The following SV2B variants were observed in gnomAD, a reference collection of about 807,000 sequenced individuals.
SV2B encodes the protein solute carrier family 22 member B2.
In SV2B, 41 loss-of-function variants were observed where a neutral mutation model predicts 73.9. That is an observed-to-expected ratio of 0.56 (90% CI 0.43 to 0.72). The LOEUF is 0.72. Ranked by LOEUF, SV2B falls within the 30% of genes least tolerant of loss-of-function variation. The pLI, the probability that SV2B is intolerant of heterozygous loss-of-function variation, is 0.00. For missense variants in SV2B, 764 were observed against 857.8 expected (o/e 0.89, Z 1.37); for synonymous variants, 314 against 314.2 (o/e 1.00, Z 0.01).
intron 1 of SV2B, among the ~76,000 whole-genome samples, chr15:91,193,592 G>T (rs1001684887): frequency 3.9e-5 from 6 of 152,144 alleles, no homozygotes; most frequent in African/African-American, 1.4e-4. Context: ...GAAGGCCTTT[G>T]AAGACATCCA....
intron 1 of SV2B, among the ~76,000 whole-genome samples, chr15:91,206,003 A>C (rs1348917265): frequency 1.3e-5 from 2 of 151,962 alleles, no homozygotes; most frequent in Non-Finnish European, 2.9e-5. Context: ...ACCAGAAACA[A>C]CTACTGTTTT....
chr15:91,125,725 T>C (rs1444680376), intron 1 of SV2B, among the ~76,000 whole-genome samples: 1 of 143,892 alleles, frequency 6.9e-6, no homozygotes, highest in African/African-American at 2.6e-5. Context: ...CAGTGAGCTG[T>C]GTTCTTGCCA....
intron 1 of SV2B, among the ~76,000 whole-genome samples, chr15:91,107,685 C>T (rs759110964): frequency 1.2e-4 from 18 of 152,160 alleles, no homozygotes; most frequent in Non-Finnish European, 2.2e-4. Flanking sequence ...ACTCAGCTCA[C>T]TGCAGCCTTG....
At chr15:91,282,511 A>G (rs1428442832) in intron 10 of SV2B, among the ~76,000 whole-genome samples, 5 of 152,188 alleles carry the variant, frequency 3.3e-5, no homozygotes, top group Non-Finnish European at 2.9e-5. Flanking sequence ...AGGGGGCTTT[A>G]CCTACATTGT....
chr15:91,164,324 G>C (rs1320403107), intron 1 of SV2B, among the ~76,000 whole-genome samples: 1 of 152,190 alleles, frequency 6.6e-6, no homozygotes, highest in Non-Finnish European at 1.5e-5. Flanking sequence ...AAAGCAGGAG[G>C]CATCATGCTA....
chr15:91,191,985 G>A (rs12903449), intron 1 of SV2B, among the ~76,000 whole-genome samples: 73,067 of 151,716 alleles, frequency 0.48, 19,306 homozygotes, highest in East Asian at 0.77. Context: ...TTTTTCTGGC[G>A]GTTACCCTTA....
At chr15:91,256,011 G>A (rs1414820294) in intron 4 of SV2B, among the ~76,000 whole-genome samples, 2 of 152,160 alleles carry the variant, frequency 1.3e-5, no homozygotes, top group African/African-American at 4.8e-5. Context: ...GGAAGTCTTG[G>A]CACCAGGAAT....
At chr15:91,269,343 T>C (rs1246514645) in intron 9 of SV2B, among the ~76,000 whole-genome samples, 2 of 152,162 alleles carry the variant, frequency 1.3e-5, no homozygotes, top group African/African-American at 4.8e-5. Flanking sequence ...AAACTGAGCA[T>C]TTACCCCTCT....
At position 91,122,919 on chromosome 15, in the gene SV2B, A is replaced by G. The variant is rs2042378315; in HGVS notation, c.-392+22556A>G. Among the ~76,000 whole-genome samples the G allele has an allele frequency of 6.6e-6, 1 of 152,190 alleles. No individual in the cohort carries two copies. Among genetic ancestry groups the G allele is most frequent in the African/African-American group, 2.4e-5 (1 of 41,446 alleles). On this transcript the variant is annotated intron_variant, in intron 1 of 12. Transcript: ENST00000394232. This position sits in a 1 kb window ranked among gnomAD's most constrained non-coding sequence, Gnocchi z 4.3. ...AATTTCAGTTTGACAGGATTAATAA[A>G]TTCAAGAGGTCTATTCTACAACCTG...
chr15:91,176,943 A>G (rs1354221910), intron 1 of SV2B, among the ~76,000 whole-genome samples: 198 of 151,898 alleles, frequency 1.3e-3, no homozygotes, highest in African/African-American at 4.6e-3. Context: ...TGCTTTTGGC[A>G]TTTTAGACAT....
chr15:91,109,744 A>C (rs566517943), intron 1 of SV2B, among the ~76,000 whole-genome samples: 7 of 152,268 alleles, frequency 4.6e-5, no homozygotes, highest in Admixed American at 2.0e-4. Context: ...TAATTAAAAA[A>C]ATTTTTTTGG....
At chr15:91,156,616 C>T (rs1307829623) in intron 1 of SV2B, among the ~76,000 whole-genome samples, 1 of 152,204 alleles carries the variant, frequency 6.6e-6, no homozygotes, top group African/African-American at 2.4e-5. Flanking sequence ...AGGCTGCCAG[C>T]CTTCATGGCC....
At chr15:91,248,837 C>T (rs8042596) in intron 2 of SV2B, among the ~76,000 whole-genome samples, 51,000 of 152,048 alleles carry the variant, frequency 0.34, 9,249 homozygotes, top group African/African-American at 0.48. Flanking sequence ...GTGCTGAAGA[C>T]AGCTTTATTG....
rs2141686762 is a variant in SV2B, at chr15:91,267,782, T to A, written c.1208+139T>A. On this transcript the variant is annotated intron_variant, in intron 8 of 12. Transcript: ENST00000394232. This position sits in a 1 kb window ranked among gnomAD's most constrained non-coding sequence, Gnocchi z 4.3. ...GTGGCAAGTAGCAGAAAACCAACTCTAGTGGCTTCTACAAAGAAGAAACTT... is the reference window on the plus strand; with the variant it reads ...GTGGCAAGTAGCAGAAAACCAACTCAAGTGGCTTCTACAAAGAAGAAACTT... 1 of 688,624 alleles carries A rather than the reference T, an allele frequency of 1.5e-6. No individual in the cohort carries two copies. The highest frequency in any genetic ancestry group is 2.6e-6 in the Non-Finnish European group (1 of 391,332). The allele number at this position is 688,624 out of a possible 1,614,324, so 42.7% of individuals were successfully genotyped here. A position where few individuals can be genotyped will look rare whatever the true frequency, so the allele number is the denominator to read the frequency against.
At position 91,100,560 on chromosome 15, in the gene SV2B, C is replaced by T. The variant is rs2041695156; in HGVS notation, c.-392+197C>T. ...CAGAAAAGCAAGGACTTGCCCGCTGCCTGGAGCTGTGCGCTTCTTTGAAAG... is the reference window on the plus strand; with the variant it reads ...CAGAAAAGCAAGGACTTGCCCGCTGTCTGGAGCTGTGCGCTTCTTTGAAAG... On this transcript the variant is annotated intron_variant, in intron 1 of 12. Transcript: ENST00000394232. The surrounding 1 kb of genome is among the most constrained non-coding windows in gnomAD (Gnocchi z 6.4). Among the ~76,000 whole-genome samples the T allele has an allele frequency of 6.6e-6, 1 of 152,222 alleles. No individual in the cohort carries two copies. Among genetic ancestry groups the T allele is most frequent in the African/African-American group, 2.4e-5 (1 of 41,464 alleles).
rs146115529 is a variant in SV2B at position 91,295,833 on chromosome 15, G to C, written c.*3281G>C. The C allele has an allele frequency of 6.6e-6, 1 of 152,292 alleles. No individual in the cohort carries two copies. Among genetic ancestry groups the C allele is most frequent in the Non-Finnish European group, 1.5e-5 (1 of 68,012 alleles). 9.4% of individuals were successfully genotyped at this position (152,292 alleles called of 1,614,324 possible). On this transcript the variant is annotated 3_prime_UTR_variant, in exon 13 of 13. Coordinates refer to ENST00000394232, the MANE Select transcript of SV2B (RefSeq NM_001323032.3). ...GACCATGGGCCAGTCTCTCTGCCAAGCCCTGGGGACACAGTGATGAAAAAA... is the reference window on the plus strand; with the variant it reads ...GACCATGGGCCAGTCTCTCTGCCAACCCCTGGGGACACAGTGATGAAAAAA...
intron 1 of SV2B, among the ~76,000 whole-genome samples, chr15:91,108,690 C>T (rs143974959): frequency 1.6e-3 from 238 of 152,338 alleles, no homozygotes; most frequent in Non-Finnish European, 2.6e-3. Flanking sequence ...CCACCACCCT[C>T]ATGCCTTGGC....
At chr15:91,269,247 T>C (rs1477588494) in intron 9 of SV2B, among the ~76,000 whole-genome samples, 1 of 152,182 alleles carries the variant, frequency 6.6e-6, no homozygotes, top group Non-Finnish European at 1.5e-5. Context: ...GCTTTAGGAA[T>C]GCCTCTTTGA....
intron 1 of SV2B, among the ~76,000 whole-genome samples, chr15:91,201,677 G>T (rs952470987): frequency 6.6e-6 from 1 of 152,054 alleles, no homozygotes; most frequent in African/African-American, 2.4e-5. Context: ...AACTGCTCAG[G>T]CCCCAAATCT....
Sources: allele counts gnomAD v4.1 joint callset (sites outside exome capture counted in the v4.1 genomes callset), GRCh38; gene constraint gnomAD v4.1.1; non-coding constraint Gnocchi (gnomAD v3.1); transcripts MANE v1.5; gene names NCBI Gene and HGNC (gene_info 2026-07-23, HGNC 2026-07-21).